Variants in MYBPC1 observed in about 807,000 individuals in gnomAD.
The protein encoded by MYBPC1 is myosin binding protein C1.
A neutral mutation model predicts 147.1 loss-of-function variants in MYBPC1; 52 were observed. The ratio of observed to expected loss-of-function variants is 0.35; its 90% confidence interval spans 0.28 to 0.45. The LOEUF is 0.45. Ranked by LOEUF, MYBPC1 falls within the 20% of genes least tolerant of loss-of-function variation. The probability of loss-of-function intolerance (pLI) is 1.00; values close to 1 mark genes in which losing one functional copy is unlikely to be tolerated. For synonymous variants in MYBPC1, 477 were observed against 475.9 expected (o/e 1.00, Z -0.03); for missense variants, 1,228 against 1,440.3 (o/e 0.85, Z 2.39).
intron 1 of MYBPC1, among the ~76,000 whole-genome samples, chr12:101,598,278 C>T (rs1878280794): frequency 6.6e-6 from 1 of 152,138 alleles, no homozygotes; most frequent in East Asian, 1.9e-4. Context: ...CCTCTGCCTC[C>T]CAGAGTGCTG....
intron 16 of MYBPC1, among the ~76,000 whole-genome samples, chr12:101,651,971 T>C (rs1279518198): frequency 1.3e-5 from 2 of 152,114 alleles, no homozygotes; most frequent in Non-Finnish European, 1.5e-5. Context: ...AGAGGAAAAA[T>C]ACTGAATTCT....
chr12:101,629,983 T>G (rs911899379), intron 6 of MYBPC1, among the ~76,000 whole-genome samples: 2 of 152,138 alleles, frequency 1.3e-5, no homozygotes, highest in African/African-American at 2.4e-5. Context: ...ACTACTTCTA[T>G]CTATTTCTAA....
intron 29 of MYBPC1, among the ~76,000 whole-genome samples, chr12:101,682,114 T>G (rs1438607317): frequency 6.6e-6 from 1 of 152,166 alleles, no homozygotes; most frequent in Non-Finnish European, 1.5e-5. Flanking sequence ...AGTTCATAAT[T>G]GCAAGTCATC....
chr12:101,635,729 C>G (rs912072924), intron 9 of MYBPC1, among the ~76,000 whole-genome samples: 2 of 152,144 alleles, frequency 1.3e-5, no homozygotes, highest in African/African-American at 2.4e-5. Flanking sequence ...ATTTTGAAAA[C>G]ACATTACTGA....
rs1250014496 is a variant in MYBPC1, at chr12:101,614,524, C to A, written c.54C>A (p.Pro18=). Residue 18 remains proline, a synonymous_variant, in exon 2 of 32, where the codon CCC becomes CCA. Coordinates refer to ENST00000361466, the MANE Select transcript of MYBPC1 (RefSeq NM_002465.4). ...EENEVPAPAP[P]PEEPSKEKEA... ...ATGAAGTGCCAGCCCCAGCCCCACC[C>A]CCGGAAGGTGAGTAAAAACACTCAC... is the stretch of plus-strand genomic sequence containing the variant. 1 of 1,613,614 alleles carries A rather than the reference C, an allele frequency of 6.2e-7. No individual in the cohort carries two copies. Among genetic ancestry groups the A allele is most frequent in the Non-Finnish European group, 8.5e-7 (1 of 1,179,928 alleles).
In MYBPC1 at chr12:101,644,668, T is replaced by C. The variant is rs781757411; in HGVS notation, c.837T>C (p.Phe279=). The change falls in exon 12 of 32, where the codon TTT becomes TTC. Residue 279 remains phenylalanine (F), a synonymous_variant. Transcript: ENST00000361466. Reference sequence around the variant, plus strand: ...TTGCTTCTTCTATTCTATCAGCTTTTGCAAAAATTCTTGATCCTGCATATC... The same window carrying C: ...TTGCTTCTTCTATTCTATCAGCTTTCGCAAAAATTCTTGATCCTGCATATC... ...MRREEKKSAA[F]AKILDPAYQV... 1 of 1,613,560 alleles carries C rather than the reference T, an allele frequency of 6.2e-7. No homozygotes were observed. Among genetic ancestry groups the C allele is most frequent in the Non-Finnish European group, 8.5e-7 (1 of 1,179,508 alleles).
chr12:101,657,926 C>T (rs1344098156), intron 18 of MYBPC1, among the ~76,000 whole-genome samples: 2 of 151,988 alleles, frequency 1.3e-5, no homozygotes, highest in Admixed American at 1.3e-4. Flanking sequence ...GTCAGGAGAT[C>T]GAGACCATCC....
intron 13 of MYBPC1, among the ~76,000 whole-genome samples, chr12:101,647,291 G>A (rs1453301416): frequency 6.6e-6 from 1 of 152,168 alleles, no homozygotes; most frequent in Non-Finnish European, 1.5e-5. Context: ...TGGAGGGTGT[G>A]AATACAGCCA....
chr12:101,654,494 C>G (rs948380015), intron 18 of MYBPC1, among the ~76,000 whole-genome samples: 2 of 152,094 alleles, frequency 1.3e-5, no homozygotes, highest in African/African-American at 4.8e-5. Flanking sequence ...AAAACCTGGA[C>G]AGAACCCAGT....
intron 2 of MYBPC1, chr12:101,614,899 A>G (rs755026368): frequency 1.8e-5 from 6 of 329,360 alleles, no homozygotes; most frequent in Middle Eastern, 1.0e-3. Context: ...ACAAACCCAC[A>G]TCTTCTTTAT....
chr12:101,635,063 A>G (rs1890721643), intron 9 of MYBPC1, among the ~76,000 whole-genome samples: 1 of 152,244 alleles, frequency 6.6e-6, no homozygotes, highest in Admixed American at 6.5e-5. Context: ...GTAGCTACTT[A>G]CTGAAGTTAG....
Position 101,602,032 on chromosome 12 carries a change from T to TA in MYBPC1, c.25+6945dup, listed in dbSNP as rs1042681549. Among the ~76,000 whole-genome samples the TA allele has an allele frequency of 4.6e-5, 7 of 151,996 alleles. No homozygotes were observed. In the East Asian group the frequency reaches 5.8e-4, roughly 13 times the overall value. On this transcript the variant is annotated intron_variant, in intron 1 of 31. Coordinates refer to ENST00000361466, the MANE Select transcript of MYBPC1 (RefSeq NM_002465.4). ...TTATGCATTATTAAACATGGTGACA[T>TA]AAAAAAAATTATACTATTTGTAGAA... is the stretch of plus-strand genomic sequence containing the variant.
intron 1 of MYBPC1, among the ~76,000 whole-genome samples, chr12:101,603,020 GT>G (rs141700167): frequency 0.018 from 2,809 of 152,178 alleles, 83 homozygotes; most frequent in African/African-American, 0.065. Flanking sequence ...GTCTCCAAGG[GT>G]TATAAGTCTT....
chr12:101,617,291 G>A, intron 3 of MYBPC1, 48 bp downstream of exon 3: 2 of 1,582,088 alleles, frequency 1.3e-6, no homozygotes, highest in Non-Finnish European at 1.7e-6. Flanking sequence ...AAAATTAGAA[G>A]CAGAAAGAAG....
At chr12:101,669,436 G>A (rs1898103969) in intron 23 of MYBPC1, among the ~76,000 whole-genome samples, 2 of 152,120 alleles carry the variant, frequency 1.3e-5, no homozygotes, top group African/African-American at 4.8e-5. Flanking sequence ...ATACACAGTG[G>A]GCCAGGGTTG....
At chr12:101,662,621 A>G (rs181892352) in intron 21 of MYBPC1, 75 bp downstream of exon 21, 55 of 1,516,876 alleles carry the variant, frequency 3.6e-5, no homozygotes, top group Non-Finnish European at 5.0e-5. Context: ...CTGATCCCTA[A>G]CTGGAACAGG....
At position 101,673,475 on chromosome 12, in the gene MYBPC1, G is replaced by A. The variant is rs755242267; in HGVS notation, c.2662G>A (p.Asp888Asn). The change falls in exon 25 of 32, where the codon GAT becomes AAT. Residue 888 changes from aspartate to asparagine, a missense_variant. This residue lies in a region of MYBPC1 where 1,077 missense variants were observed against 1,314.2 expected (regional missense o/e 0.82). Coordinates refer to ENST00000361466, the MANE Select transcript of MYBPC1 (RefSeq NM_002465.4). ...TTGGAAGAAGGATGGTGCAGAAATTGATAAGAATCAAATAAACATTCGCAA... is the reference window on the plus strand; with the variant it reads ...TTGGAAGAAGGATGGTGCAGAAATTAATAAGAATCAAATAAACATTCGCAA... The part of the protein sequence containing the change: ...LTWKKDGAEI[D>N]KNQINIRNSE... 13 of 1,613,558 alleles carry A rather than the reference G, an allele frequency of 8.1e-6. No individual in the cohort carries two copies. In the South Asian group the frequency reaches 1.4e-4, roughly 18 times the overall value.
intron 2 of MYBPC1, chr12:101,614,844 G>T: frequency 2.3e-6 from 1 of 427,718 alleles, no homozygotes; most frequent in Non-Finnish European, 4.3e-6. Flanking sequence ...TCCATCCAAG[G>T]GGCTGAAGAA....
chr12:101,626,749 C>G (rs746384029), intron 3 of MYBPC1, 123 bp from the exon 4 acceptor site: 3 of 855,628 alleles, frequency 3.5e-6, no homozygotes, highest in Non-Finnish European at 4.0e-6. Flanking sequence ...TTTTCTAAGG[C>G]TTGCTCAGCA....
Sources: gnomAD v4.1 joint callset for allele counts (sites outside exome capture counted in the v4.1 genomes callset) on GRCh38, gnomAD v4.1.1 for gene constraint, gnomAD v4.1.1 regional missense constraint, MANE v1.5 for transcripts, NCBI Gene and HGNC (gene_info 2026-07-23, HGNC 2026-07-21) for gene names.